Variants in PARP8 observed in about 807,000 individuals in gnomAD.
PARP8 encodes poly(ADP-ribose) polymerase family member 8.
A neutral mutation model predicts 124.1 loss-of-function variants in PARP8; 51 were observed. That is an observed-to-expected ratio of 0.41 (90% CI 0.33 to 0.52). The LOEUF (loss-of-function observed/expected upper bound fraction) is 0.52, where lower values mean the gene tolerates loss of function less well. PARP8 is among the 20% of genes least tolerant of loss of function. PARP8 has a pLI of 0.21. For missense variants in PARP8, 860 were observed against 1,018.9 expected (o/e 0.84, Z 2.12); for synonymous variants, 391 against 361.5 (o/e 1.08, Z -0.93).
chr5:50,689,724 G>A (rs1440899466), intron 2 of PARP8, among the ~76,000 whole-genome samples: 2 of 152,164 alleles, frequency 1.3e-5, no homozygotes, highest in East Asian at 1.9e-4. Flanking sequence ...CACTTCGTGA[G>A]GTTGATGGGA....
chr5:50,716,516 A>G (rs920182091), intron 2 of PARP8, among the ~76,000 whole-genome samples: 2 of 152,098 alleles, frequency 1.3e-5, no homozygotes, highest in African/African-American at 4.8e-5. Flanking sequence ...TTTCTTTATC[A>G]TGCTGGCTCA....
rs34347134 is a variant in PARP8, at chr5:50,819,427, CTTTTT to C, written c.1669-1760_1669-1756del. 1.9e-4 allele frequency among the ~76,000 whole-genome samples: 9 copies of C among 46,652 alleles called. No individual in the cohort carries two copies. The East Asian group carries it at 3.9e-3, about 20-fold the overall frequency. The allele number at this position is 46,652 out of a possible 152,430, so 30.6% of individuals were successfully genotyped here. A position where few individuals can be genotyped will look rare whatever the true frequency, so the allele number is the denominator to read the frequency against. On this transcript the variant is annotated intron_variant, in intron 15 of 25. Transcript: ENST00000281631. Reference sequence around the variant, plus strand: ...GTCTCAGAAAAGGCTATTTTATCTTCTTTTTTTTTTTTTTTTTTTTTTTTTTTTTT... The same window carrying C: ...GTCTCAGAAAAGGCTATTTTATCTTCTTTTTTTTTTTTTTTTTTTTTTTTT...
chr5:50,748,855 C>G (rs1758906223), intron 2 of PARP8, among the ~76,000 whole-genome samples: 1 of 152,126 alleles, frequency 6.6e-6, no homozygotes, highest in African/African-American at 2.4e-5. Flanking sequence ...CTTCTTTATT[C>G]AACACATCTT....
In PARP8 at chr5:50,761,883, T is replaced by A; in HGVS notation, c.408T>A (p.Phe136Leu). The stretch of plus-strand genomic sequence containing the variant: ...AAGGTGACAATGATTCCGAAGAATT[T>A]TATTACGGAGGGCAGGTAAGGAAAC... Reference protein sequence around the residue: ...DSEGDNDSEEFYYGGQVNYDG... With the variant: ...DSEGDNDSEELYYGGQVNYDG... The change falls in exon 6 of 26, where the codon TTT becomes TTA. Residue 136 changes from phenylalanine (F) to leucine (L), a missense_variant. Physicochemically the swap from Phe to Leu is conservative, Grantham distance 22. Transcript: ENST00000281631. 6.2e-7 allele frequency: 1 copy of A among 1,601,794 alleles called. No individual in the cohort carries two copies. The highest frequency in any genetic ancestry group is 8.5e-7 in the Non-Finnish European group (1 of 1,171,318).
At chr5:50,791,659 A>C (rs1309525951) in intron 10 of PARP8, among the ~76,000 whole-genome samples, 3 of 152,128 alleles carry the variant, frequency 2.0e-5, no homozygotes, top group African/African-American at 7.2e-5. Context: ...AAGGCTCAGC[A>C]TATCACAGAC....
chr5:50,778,074 A>T lies in PARP8; in HGVS notation c.524A>T (p.Tyr175Phe), dbSNP rs1740237756. The T allele has an allele frequency of 6.2e-7, 1 of 1,606,232 alleles. No individual in the cohort carries two copies. The highest frequency in any genetic ancestry group is 8.5e-7 in the Non-Finnish European group (1 of 1,177,426). ...YGPHAVSLRE[Y>F]GAIDDVDIDL... is the part of the protein sequence containing the mutation. ...GTGTTAATTTTTGCTTTCAGGGAAT[A>T]TGGAGCCATTGATGATGTAGATATT... The change falls in exon 8 of 26, where the codon TAT (tyrosine) becomes TTT (phenylalanine). Residue 175 changes from tyrosine (Y) to phenylalanine (F), a missense_variant. Transcript: ENST00000281631.
Position 50,843,466 on chromosome 5 carries a change from TCATA to T in PARP8, c.*1402_*1405del, listed in dbSNP as rs1748375881. ...TCTGGCATAAAAGGTGAGAAAAAGG[TCATA>T]CATGTTGTTAAGGGTAGCAGTTTAG... On this transcript the variant is annotated 3_prime_UTR_variant, in exon 26 of 26. Transcript: ENST00000281631. The T allele has an allele frequency of 3.9e-5, 6 of 151,918 alleles. No individual in the cohort carries two copies. In the South Asian group the frequency reaches 1.0e-3, roughly 26 times the overall value. The allele number at this position is 151,918 out of a possible 1,614,324, so 9.4% of individuals were successfully genotyped here. A position where few individuals can be genotyped will look rare whatever the true frequency, so the allele number is the denominator to read the frequency against.
chr5:50,784,486 C>T (rs138957773), intron 9 of PARP8, among the ~76,000 whole-genome samples: 2 of 152,066 alleles, frequency 1.3e-5, no homozygotes, highest in Admixed American at 1.3e-4. Flanking sequence ...AAACAACTAA[C>T]CTTACTTTAA....
chr5:50,700,130 TC>T, intron 2 of PARP8, among the ~76,000 whole-genome samples: 1 of 152,312 alleles, frequency 6.6e-6, no homozygotes, highest in Non-Finnish European at 1.5e-5. Flanking sequence ...AAGTCTTAAA[TC>T]ATTACTTGTC....
chr5:50,726,100 C>G (rs1756397633), intron 2 of PARP8, among the ~76,000 whole-genome samples: 1 of 151,816 alleles, frequency 6.6e-6, no homozygotes, highest in Non-Finnish European at 1.5e-5. Flanking sequence ...ACAAGTCGTC[C>G]TCCTCCCTAC....
chr5:50,819,216 CAG>C (rs1745462336), intron 15 of PARP8, among the ~76,000 whole-genome samples: 1 of 152,148 alleles, frequency 6.6e-6, no homozygotes, highest in South Asian at 2.1e-4. Flanking sequence ...CATATATTAA[CAG>C]AAATATTCTA....
At chr5:50,779,477 G>C (rs1478895706) in intron 9 of PARP8, among the ~76,000 whole-genome samples, 3 of 152,176 alleles carry the variant, frequency 2.0e-5, no homozygotes, top group African/African-American at 7.2e-5. Flanking sequence ...GTCATCTAGG[G>C]ACTCACCTGA....
chr5:50,815,385 T>C (rs1454934043), intron 14 of PARP8, 47 bp from the exon 15 acceptor site: 2 of 1,352,436 alleles, frequency 1.5e-6, no homozygotes, highest in Non-Finnish European at 2.0e-6. Flanking sequence ...ATTTTGATAT[T>C]GAGAGTTGGA....
At chr5:50,720,891 C>G (rs1755807459) in intron 2 of PARP8, among the ~76,000 whole-genome samples, 1 of 151,846 alleles carries the variant, frequency 6.6e-6, no homozygotes, top group Non-Finnish European at 1.5e-5. Flanking sequence ...CCAACCTGTG[C>G]TAGGTTGCAA....
intron 2 of PARP8, among the ~76,000 whole-genome samples, chr5:50,702,912 G>A (rs1753744408): frequency 1.3e-5 from 2 of 152,184 alleles, no homozygotes; most frequent in South Asian, 4.1e-4. Context: ...AGTGGTGACA[G>A]GGCTGCCTGG....
intron 2 of PARP8, among the ~76,000 whole-genome samples, chr5:50,696,299 A>G (rs927960656): frequency 1.3e-5 from 2 of 152,176 alleles, no homozygotes; most frequent in African/African-American, 4.8e-5. Context: ...GTGAAAGCTA[A>G]AAGTTTTATG....
Position 50,825,469 on chromosome 5 carries a change from A to C in PARP8, c.1928+494A>C, listed in dbSNP as rs113407917. ...CTCAGTGCAGAAGATGCACAGTTTC[A>C]GAGTGAGCCTGGTGAGGGATGTAGT... On this transcript the variant is annotated intron_variant, in intron 18 of 25. Coordinates refer to ENST00000281631, the MANE Select transcript of PARP8 (RefSeq NM_024615.4). Among the ~76,000 whole-genome samples the C allele has an allele frequency of 2.0e-3, 306 of 152,294 alleles. 3 individuals carry two copies. Among genetic ancestry groups the C allele is most frequent in the African/African-American group, 7.0e-3 (290 of 41,568 alleles).
At chr5:50,676,244 A>T (rs976445883) in intron 2 of PARP8, among the ~76,000 whole-genome samples, 3 of 152,376 alleles carry the variant, frequency 2.0e-5, no homozygotes, top group African/African-American at 7.2e-5. Flanking sequence ...GGTAAACAAC[A>T]GTGTAATAGA....
intron 17 of PARP8, among the ~76,000 whole-genome samples, chr5:50,824,240 T>C (rs1450249117): frequency 6.6e-6 from 1 of 152,194 alleles, no homozygotes; most frequent in Non-Finnish European, 1.5e-5. Flanking sequence ...TCACAAGCTT[T>C]GCTTTCATAT....
Sources: allele counts gnomAD v4.1 joint callset (sites outside exome capture counted in the v4.1 genomes callset), GRCh38; gene constraint gnomAD v4.1.1; transcripts MANE v1.5; gene names NCBI Gene and HGNC (gene_info 2026-07-23, HGNC 2026-07-21).